The following MYO1E variants were observed in gnomAD, a reference collection of about 807,000 sequenced individuals.
MYO1E encodes the protein unconventional myosin-Ie.
Under a neutral mutation model 151.1 loss-of-function variants are expected in MYO1E, and 68 were observed. The ratio of observed to expected loss-of-function variants is 0.45; its 90% CI spans 0.37 to 0.55. The LOEUF is 0.55. MYO1E is among the 20% of genes least tolerant of loss of function. MYO1E has a pLI of 0.00. For synonymous variants in MYO1E, 601 were observed against 501.7 expected, an observed-to-expected ratio of 1.20 and a Z score of -2.64; for missense variants, 1,363 against 1,389.3, an observed-to-expected ratio of 0.98 and a Z score of 0.30.
intron 4 of MYO1E, among the ~76,000 whole-genome samples, chr15:59,252,244 T>C (rs2080169150): frequency 6.6e-6 from 1 of 152,174 alleles, no homozygotes; most frequent in South Asian, 2.1e-4. Context: ...TGAGCACTCT[T>C]GGTGTCTAGT....
chr15:59,158,396 A>C lies in MYO1E; in HGVS notation c.2786-17T>G. ...TGGTAGGACCTGAAATAAACAAGAC[A>C]AAGTTAAAACCAGTGCTACTGGTTG... On this transcript the variant is annotated splice_polypyrimidine_tract_variant and intron_variant, in intron 24 of 27. Transcript: ENST00000288235. 1 of 1,541,988 alleles carries C rather than the reference A, an allele frequency of 6.5e-7. No homozygotes were observed. The highest frequency in any genetic ancestry group is 8.8e-7 in the Non-Finnish European group (1 of 1,138,054).
chr15:59,326,149 GA>G (rs75381554), intron 1 of MYO1E, among the ~76,000 whole-genome samples: 2,793 of 136,700 alleles, frequency 0.02, 83 homozygotes, highest in African/African-American at 0.068. Context: ...AAACAAAACA[GA>G]AAAAAAAAAA....
At chr15:59,318,874 C>T (rs1268186327) in intron 1 of MYO1E, among the ~76,000 whole-genome samples, 7 of 152,034 alleles carry the variant, frequency 4.6e-5, no homozygotes, top group Non-Finnish European at 8.8e-5. Context: ...TGGACTTGAA[C>T]CCAGGTCTAT....
chr15:59,248,528 C>G (rs2080144860), intron 4 of MYO1E, among the ~76,000 whole-genome samples: 1 of 147,722 alleles, frequency 6.8e-6, no homozygotes, highest in Non-Finnish European at 1.5e-5. Flanking sequence ...TCCATAGAAG[C>G]CACTCTTCCT....
intron 1 of MYO1E, among the ~76,000 whole-genome samples, chr15:59,337,787 G>A (rs567544043): frequency 1.3e-5 from 2 of 152,054 alleles, no homozygotes; most frequent in African/African-American, 2.4e-5. Context: ...AGCTGGGATC[G>A]TGCCACTGCA....
At chr15:59,272,521 A>C (rs1251893782) in intron 1 of MYO1E, 72 bp from the exon 2 acceptor site, 7 of 1,467,176 alleles carry the variant, frequency 4.8e-6, no homozygotes, top group Non-Finnish European at 6.7e-6. Flanking sequence ...AAATGCTGTT[A>C]ATTTCCCAAA....
chr15:59,143,822 C>T (rs1437284944), intron 26 of MYO1E, among the ~76,000 whole-genome samples: 1 of 152,228 alleles, frequency 6.6e-6, no homozygotes, highest in Admixed American at 6.5e-5. Flanking sequence ...GCTCCCCTGG[C>T]CTCTGCCCAC....
At chr15:59,207,984 T>C in intron 14 of MYO1E, 7 of 1,614,004 alleles carry the variant, frequency 4.3e-6, no homozygotes, top group Non-Finnish European at 5.9e-6. Context: ...GAGAGAACGG[T>C]ATTACCAACC....
intron 27 of MYO1E, among the ~76,000 whole-genome samples, chr15:59,137,793 C>T (rs1227595488): frequency 6.6e-6 from 1 of 152,246 alleles, no homozygotes; most frequent in Non-Finnish European, 1.5e-5. Flanking sequence ...TCTCAGGGTA[C>T]AGCCTTTGTC....
intron 22 of MYO1E, among the ~76,000 whole-genome samples, chr15:59,167,880 T>C (rs1362574728): frequency 6.6e-6 from 1 of 152,088 alleles, no homozygotes; most frequent in Non-Finnish European, 1.5e-5. Context: ...GGTTTCATCA[T>C]GTTGGCCAGG....
chr15:59,207,358 C>G (rs760208745), intron 14 of MYO1E: 24 of 1,614,034 alleles, frequency 1.5e-5, no homozygotes, highest in Non-Finnish European at 1.9e-5. Flanking sequence ...AAACTCCAAC[C>G]TAGTGATTAT....
At chr15:59,237,652 G>A (rs74020319) in intron 4 of MYO1E, among the ~76,000 whole-genome samples, 3,372 of 152,244 alleles carry the variant, frequency 0.022, 120 homozygotes, top group African/African-American at 0.074. Context: ...TTCGCGCTTC[G>A]CGATAAAAAA....
Position 59,329,555 on chromosome 15 carries a change from C to T in MYO1E, c.3+42943G>A, listed in dbSNP as rs763203199. Among the ~76,000 whole-genome samples, 27 of 152,314 alleles carry T rather than the reference C, an allele frequency of 1.8e-4. 1 individual carries two copies. Among genetic ancestry groups the T allele is most frequent in the Non-Finnish European group, 3.1e-4 (21 of 68,022 alleles). On this transcript the variant is annotated intron_variant, in intron 1 of 27. Coordinates refer to ENST00000288235, the MANE Select transcript of MYO1E (RefSeq NM_004998.4). ...AAAACTGCAGGAATACTCTAAAGAA[C>T]ATTCTAGGACCTCTGAAAATCACAG... is the stretch of plus-strand genomic sequence containing the variant.
chr15:59,287,522 T>G (rs1309624965), intron 1 of MYO1E, among the ~76,000 whole-genome samples: 1 of 152,186 alleles, frequency 6.6e-6, no homozygotes, highest in African/African-American at 2.4e-5. Flanking sequence ...CACAAATAGG[T>G]AGATTCTGCC....
At chr15:59,230,994 G>A (rs934136823) in intron 6 of MYO1E, among the ~76,000 whole-genome samples, 1 of 152,140 alleles carries the variant, frequency 6.6e-6, no homozygotes, top group Non-Finnish European at 1.5e-5. Context: ...TTCATATTCA[G>A]CCTTGCCAGC....
At chr15:59,178,082 G>C (rs1300105729) in intron 19 of MYO1E, among the ~76,000 whole-genome samples, 1 of 152,252 alleles carries the variant, frequency 6.6e-6, no homozygotes, top group African/African-American at 2.4e-5. Context: ...GGAACAAAGA[G>C]TCCCTGCCCT....
intron 26 of MYO1E, among the ~76,000 whole-genome samples, chr15:59,150,991 T>G (rs2079472523): frequency 3.5e-5 from 5 of 143,964 alleles, no homozygotes; most frequent in South Asian, 2.2e-4. Context: ...TGGGGGGTAG[T>G]GGAAGGGAAG....
intron 1 of MYO1E, among the ~76,000 whole-genome samples, chr15:59,353,914 G>A (rs2080839220): frequency 6.6e-6 from 1 of 152,116 alleles, no homozygotes; most frequent in Non-Finnish European, 1.5e-5. Context: ...AAAACCTAAA[G>A]CATGTGAACA....
At chr15:59,186,242 T>C (rs1179697657) in intron 18 of MYO1E, among the ~76,000 whole-genome samples, 1 of 152,166 alleles carries the variant, frequency 6.6e-6, no homozygotes, top group Non-Finnish European at 1.5e-5. Flanking sequence ...CGCTTTATTA[T>C]ACAAAATCAT....
Sources: allele counts gnomAD v4.1 joint callset (sites outside exome capture counted in the v4.1 genomes callset), GRCh38; gene constraint gnomAD v4.1.1; transcripts MANE v1.5; gene names NCBI Gene and HGNC (gene_info 2026-07-23, HGNC 2026-07-21).